ABCA13: variants seen among roughly 807,000 people sequenced by gnomAD.
The protein encoded by ABCA13 is ATP-binding cassette sub-family A member 13.
A neutral mutation model predicts 478.7 loss-of-function variants in ABCA13; 476 were observed. The ratio of observed to expected loss-of-function variants is 0.99; its 90% confidence interval spans 0.92 to 1.07. ABCA13 has a LOEUF of 1.07. Among genes scored for constraint, ABCA13 ranks in the 50% least tolerant of loss-of-function variants. The pLI is 0.00. For missense variants in ABCA13, 6,060 were observed against 5,910.6 expected (o/e 1.03, Z -0.83); for synonymous variants, 2,252 against 2,158.9 (o/e 1.04, Z -1.20).
At chr7:48,317,800 G>A (rs1211387180) in intron 27 of ABCA13, among the ~76,000 whole-genome samples, 1 of 152,218 alleles carries the variant, frequency 6.6e-6, no homozygotes, top group Non-Finnish European at 1.5e-5. Context: ...AGACACCAAA[G>A]CAGGGTGTAT....
intron 41 of ABCA13, among the ~76,000 whole-genome samples, chr7:48,425,767 G>T (rs180721742): frequency 1.5e-5 from 2 of 135,654 alleles, no homozygotes; most frequent in African/African-American, 5.0e-5. Context: ...TTTCGAGATG[G>T]AGTCTCGCTG....
intron 27 of ABCA13, among the ~76,000 whole-genome samples, chr7:48,333,189 G>T (rs377231801): frequency 6.6e-6 from 1 of 152,116 alleles, no homozygotes; most frequent in Non-Finnish European, 1.5e-5. Context: ...CAGCTGTCAG[G>T]TTCAGTGGTT....
chr7:48,250,124 T>C (rs1792319307), intron 15 of ABCA13, among the ~76,000 whole-genome samples: 1 of 152,212 alleles, frequency 6.6e-6, no homozygotes, highest in Admixed American at 6.5e-5. Flanking sequence ...TACTGGTTTA[T>C]TAAGCAGATA....
At chr7:48,596,998 C>T (rs961721716) in intron 58 of ABCA13, among the ~76,000 whole-genome samples, 8 of 151,224 alleles carry the variant, frequency 5.3e-5, no homozygotes, top group Admixed American at 6.6e-5. Context: ...GTCACCCAGG[C>T]TGGAGTGCAG....
chr7:48,562,242 C>T (rs1371657196), intron 55 of ABCA13, among the ~76,000 whole-genome samples: 1 of 151,812 alleles, frequency 6.6e-6, no homozygotes, highest in Non-Finnish European at 1.5e-5. Context: ...TCACTTCTGT[C>T]TTGTAACTAT....
intron 43 of ABCA13, among the ~76,000 whole-genome samples, chr7:48,462,243 T>C (rs1439964905): frequency 6.6e-6 from 1 of 152,108 alleles, no homozygotes; most frequent in Non-Finnish European, 1.5e-5. Flanking sequence ...CTGAGGAGAA[T>C]TGACATTATC....
Position 48,516,780 on chromosome 7 carries a change from G to T in ABCA13, c.13696G>T (p.Val4566Leu). The T allele has an allele frequency of 6.2e-7, 1 of 1,613,766 alleles. No individual in the cohort carries two copies. Among genetic ancestry groups the T allele is most frequent in the Non-Finnish European group, 8.5e-7 (1 of 1,179,736 alleles). Residue 4566 changes from valine (V) to leucine (L), a missense_variant, in exon 52 of 62, where the codon GTG becomes TTG. Transcript: ENST00000435803. The part of the protein sequence containing the change: ...LMSRIFSSSD[V>L]AFISYVSLNF... ...GTCCAGAATCTTTTCCAGTTCGGACGTGGCTTTCATTTCCTATGTCTCACT... is the reference window on the plus strand; with the variant it reads ...GTCCAGAATCTTTTCCAGTTCGGACTTGGCTTTCATTTCCTATGTCTCACT...
chr7:48,266,437 A>AT (rs1173158238), intron 15 of ABCA13, among the ~76,000 whole-genome samples: 1 of 151,796 alleles, frequency 6.6e-6, no homozygotes, highest in African/African-American at 2.4e-5. Context: ...TACAAATTCA[A>AT]TTTTTAATAT....
chr7:48,507,935 T>C lies in ABCA13; in HGVS notation c.13410T>C (p.Ser4470=). Residue 4470 remains serine (S), a synonymous_variant, in exon 50 of 62, where the codon TCT becomes TCC. Transcript: ENST00000435803. ...LCIVLGFSIL[S]ASIGSSVVRD... ...TCGTGCTGGGATTCTCCATCCTGTC[T>C]GCATCCATCGGCAGCTCTGTGGTGA... 1 of 1,613,606 alleles carries C rather than the reference T, an allele frequency of 6.2e-7. No individual in the cohort carries two copies. The highest frequency in any genetic ancestry group is 8.5e-7 in the Non-Finnish European group (1 of 1,179,750).
rs548347955 is a variant in ABCA13, at chr7:48,316,484, T to C, written c.9860-673T>C. 7.2e-5 allele frequency among the ~76,000 whole-genome samples: 11 copies of C among 152,358 alleles called. 1 individual carries two copies. In the South Asian group the frequency reaches 2.3e-3, roughly 32 times the overall value. Reference sequence around the variant, plus strand: ...AATGTAAGTCATTCTTTCCTGCCTTTGAAGTCACTTAAGTGAACATAGCAT... The same window carrying C: ...AATGTAAGTCATTCTTTCCTGCCTTCGAAGTCACTTAAGTGAACATAGCAT... On this transcript the variant is annotated intron_variant, in intron 26 of 61. Transcript: ENST00000435803.
chr7:48,295,825 C>G lies in ABCA13; in HGVS notation c.9081C>G (p.Ser3027Arg). 6.2e-7 allele frequency: 1 copy of G among 1,613,568 alleles called. No homozygotes were observed. Among genetic ancestry groups the G allele is most frequent in the Non-Finnish European group, 8.5e-7 (1 of 1,179,622 alleles). The change falls in exon 21 of 62, where the codon AGC becomes AGG. Residue 3027 changes from serine (S) to arginine (R), a missense_variant. Transcript: ENST00000435803. ...ATGCCACTGGCCAGGACTGCACAAGCCAGCCGAGGCTGGAGACGGTGCAGC... is the reference window on the plus strand; with the variant it reads ...ATGCCACTGGCCAGGACTGCACAAGGCAGCCGAGGCTGGAGACGGTGCAGC... ...LENATGQDCT[S>R]QPRLETVQQH...
At chr7:48,610,508 C>A (rs1442545673) in intron 58 of ABCA13, among the ~76,000 whole-genome samples, 1 of 152,158 alleles carries the variant, frequency 6.6e-6, no homozygotes, top group African/African-American at 2.4e-5. Context: ...AGGGTGGTAG[C>A]CCTCTTCTCA....
chr7:48,379,683 G>A (rs960116728), intron 35 of ABCA13, among the ~76,000 whole-genome samples: 44 of 151,976 alleles, frequency 2.9e-4, no homozygotes, highest in African/African-American at 1.0e-3. Flanking sequence ...TAGAAGTAAA[G>A]CTAATATTAA....
At chr7:48,509,144 G>A (rs1695970458) in intron 50 of ABCA13, among the ~76,000 whole-genome samples, 1 of 152,140 alleles carries the variant, frequency 6.6e-6, no homozygotes, top group South Asian at 2.1e-4. Flanking sequence ...AGGTACTCAA[G>A]GTGATTTATG....
At chr7:48,183,419 A>G (rs1795964668) in intron 1 of ABCA13, among the ~76,000 whole-genome samples, 1 of 152,226 alleles carries the variant, frequency 6.6e-6, no homozygotes, top group Non-Finnish European at 1.5e-5. Flanking sequence ...TGCACAAAAT[A>G]GTAATCTTTA....
intron 42 of ABCA13, among the ~76,000 whole-genome samples, chr7:48,450,574 G>T (rs1824870080): frequency 6.6e-6 from 1 of 152,126 alleles, no homozygotes; most frequent in Non-Finnish European, 1.5e-5. Flanking sequence ...ATTTTTTATA[G>T]TTTAATATTA....
chr7:48,589,576 C>T (rs1484716751), intron 57 of ABCA13, among the ~76,000 whole-genome samples: 1 of 152,138 alleles, frequency 6.6e-6, no homozygotes, highest in African/African-American at 2.4e-5. Flanking sequence ...GTGATGAGAA[C>T]ACTTAATATC....
intron 26 of ABCA13, among the ~76,000 whole-genome samples, chr7:48,315,679 C>T (rs532659037): frequency 9.9e-5 from 15 of 152,108 alleles, no homozygotes; most frequent in African/African-American, 3.4e-4. Context: ...GGGGTTTCAC[C>T]GTGTTATCCA....
Position 48,587,134 on chromosome 7 carries a change from T to C in ABCA13, c.14506-20T>C, listed in dbSNP as rs368065768. 3 of 1,612,638 alleles carry C rather than the reference T, an allele frequency of 1.9e-6. No homozygotes were observed. Among genetic ancestry groups the C allele is most frequent in the Non-Finnish European group, 2.5e-6 (3 of 1,179,392 alleles). On this transcript the variant is annotated intron_variant, in intron 56 of 61. Transcript: ENST00000435803. ...ACTTTGGTGAATGCTGGTGTGCACATGGACATGCCTCTCTTCCAGGTTGCT... is the reference window on the plus strand; with the variant it reads ...ACTTTGGTGAATGCTGGTGTGCACACGGACATGCCTCTCTTCCAGGTTGCT...
Sources: allele counts gnomAD v4.1 joint callset (sites outside exome capture counted in the v4.1 genomes callset), GRCh38; gene constraint gnomAD v4.1.1; transcripts MANE v1.5; gene names NCBI Gene and HGNC (gene_info 2026-07-23, HGNC 2026-07-21).